Variants in SLC31A2 observed in about 807,000 individuals in gnomAD.
The protein encoded by SLC31A2 is solute carrier family 31 member 2.
A neutral mutation model predicts 14.4 loss-of-function variants in SLC31A2; 16 were observed. The observed-to-expected ratio is 1.11, with a 90% CI of 0.75 to 1.69. The LOEUF is 1.69. Ranked by LOEUF, SLC31A2 falls within the 40% of genes most tolerant of loss-of-function variation. The probability of loss-of-function intolerance (pLI) is 0.00; values close to 1 mark genes in which losing one functional copy is unlikely to be tolerated. For synonymous variants in SLC31A2, 56 were observed against 68.7 expected, an observed-to-expected ratio of 0.82 and a Z score of 0.91; for missense variants, 140 against 173.9, an observed-to-expected ratio of 0.81 and a Z score of 1.10.
chr9:113,157,386 G>C (rs1053790335), intron 1 of SLC31A2, among the ~76,000 whole-genome samples: 5 of 152,216 alleles, frequency 3.3e-5, no homozygotes, highest in African/African-American at 1.2e-4. Flanking sequence ...TCCCGGGGGG[G>C]TAAGAAGAGG....
intron 1 of SLC31A2, chr9:113,155,908 T>C (rs912330292): frequency 5.0e-5 from 18 of 361,952 alleles, no homozygotes; most frequent in Non-Finnish European, 9.1e-5. Context: ...ACAAATGTGT[T>C]TTGTTCCAAA....
chr9:113,154,572 G>T (rs1267159771), intron 1 of SLC31A2, among the ~76,000 whole-genome samples: 1 of 152,224 alleles, frequency 6.6e-6, no homozygotes, highest in East Asian at 1.9e-4. Flanking sequence ...GGAGGCCCAG[G>T]AATCTGTACT....
intron 1 of SLC31A2, chr9:113,156,196 C>T (rs764554062): frequency 3.9e-6 from 2 of 512,154 alleles, no homozygotes; most frequent in South Asian, 2.8e-5. Context: ...GCCCCCACAG[C>T]CTTCACAAGT....
intron 3 of SLC31A2, 119 bp from the exon 4 acceptor site, chr9:113,162,630 A>G: frequency 2.2e-6 from 2 of 926,352 alleles, no homozygotes; most frequent in South Asian, 3.3e-5. Flanking sequence ...GGTTAAGCAT[A>G]CAAGTTATAA....
At position 113,162,730 on chromosome 9, in the gene SLC31A2, G is replaced by C; in HGVS notation, c.264-19G>C. On this transcript the variant is annotated intron_variant, in intron 3 of 3. Coordinates refer to ENST00000259392, the MANE Select transcript of SLC31A2 (RefSeq NM_001860.3). ...ACCAGCTCATTACCAGGATTAACTT[G>C]CTTCTCCTTTTTATCTAGGTGGTAT... The C allele has an allele frequency of 6.2e-7, 1 of 1,602,288 alleles. No individual in the cohort carries two copies. Among genetic ancestry groups the C allele is most frequent in the Non-Finnish European group, 8.5e-7 (1 of 1,173,236 alleles).
At chr9:113,161,483 C>T (rs751884051) in intron 2 of SLC31A2, 26 bp from the exon 3 acceptor site, 17 of 1,611,604 alleles carry the variant, frequency 1.1e-5, no homozygotes, top group Non-Finnish European at 1.4e-5. Context: ...CTGGCCAGGT[C>T]TCCACAACTC....
Position 113,151,032 on chromosome 9 carries a change from G to T in SLC31A2, c.-43G>T. ...GAACTGACTCGGAGCGAGGAGACCC[G>T]AGCGAGCAGACGCGGCCCTGGCGCC... On this transcript the variant is annotated 5_prime_UTR_variant, in exon 1 of 4. Transcript: ENST00000259392. The surrounding 1 kb of genome is among the most constrained non-coding windows in gnomAD (Gnocchi z 4.2). 1 of 1,299,346 alleles carries T rather than the reference G, an allele frequency of 7.7e-7. No homozygotes were observed. Among genetic ancestry groups the T allele is most frequent in the Non-Finnish European group, 9.8e-7 (1 of 1,018,198 alleles). The allele number at this position is 1,299,346 out of a possible 1,614,324, so 80.5% of individuals were successfully genotyped here.
In SLC31A2 at chr9:113,151,506, G is replaced by A; in HGVS notation, c.6+426G>A. 5.6e-6 allele frequency: 1 copy of A among 178,836 alleles called. No homozygotes were observed. Among genetic ancestry groups the A allele is most frequent in the Non-Finnish European group, 1.2e-5 (1 of 86,156 alleles). The allele number at this position is 178,836 out of a possible 1,614,324, so 11.1% of individuals were successfully genotyped here. ...CGCATTTCAGCCCGCAGCCCCGCGC[G>A]CACACCGAGCGCACATCCCCGGCCC... On this transcript the variant is annotated intron_variant, in intron 1 of 3. Coordinates refer to ENST00000259392, the MANE Select transcript of SLC31A2 (RefSeq NM_001860.3). This position sits in a 1 kb window ranked among gnomAD's most constrained non-coding sequence, Gnocchi z 4.2.
At chr9:113,159,618 T>C (rs1829980582) in intron 2 of SLC31A2, among the ~76,000 whole-genome samples, 1 of 152,192 alleles carries the variant, frequency 6.6e-6, no homozygotes, top group African/African-American at 2.4e-5. Flanking sequence ...ATGTGTAGGC[T>C]TTCCCTCAGT....
rs199500515 is a variant in SLC31A2, at chr9:113,157,757, C to A, written c.37C>A (p.Leu13Ile). ...TTTCATCTTCTCAGATACAGCGGTG[C>A]TTCTGTTTGATTTCTGGAGTGTCCA... The part of the protein sequence containing the change: ...MHFIFSDTAV[L>I]LFDFWSVHSP... The change falls in exon 2 of 4, where the codon CTT (leucine) becomes ATT (isoleucine). Residue 13 changes from leucine (L) to isoleucine (I), a missense_variant. Physicochemically the swap from Leu to Ile is conservative, Grantham distance 5. Transcript: ENST00000259392. 2.5e-6 allele frequency: 4 copies of A among 1,613,118 alleles called. No individual in the cohort carries two copies. In the Admixed American group the frequency reaches 5.0e-5, roughly 20 times the overall value.
intron 1 of SLC31A2, chr9:113,155,924 G>A (rs1829928193): frequency 2.5e-6 from 1 of 399,872 alleles, no homozygotes; most frequent in Admixed American, 2.8e-5. Flanking sequence ...CCAAATCCTG[G>A]ACTCAGACTA....
At chr9:113,154,476 C>T (rs1198167955) in intron 1 of SLC31A2, among the ~76,000 whole-genome samples, 1 of 152,196 alleles carries the variant, frequency 6.6e-6, no homozygotes, top group Non-Finnish European at 1.5e-5. Flanking sequence ...AACTGAGCCT[C>T]AGAATCTCCT....
At chr9:113,158,502 T>C (rs187667757) in intron 2 of SLC31A2, among the ~76,000 whole-genome samples, 14 of 152,322 alleles carry the variant, frequency 9.2e-5, no homozygotes, top group African/African-American at 2.6e-4. Context: ...TGAGTGGTCC[T>C]TACTGAAGGT....
Position 113,162,752 on chromosome 9 carries a change from G to A in SLC31A2, c.267G>A (p.Trp89Ter), listed in dbSNP as rs1564140148. 1 of 1,611,026 alleles carries A rather than the reference G, an allele frequency of 6.2e-7. No individual in the cohort carries two copies. Among genetic ancestry groups the A allele is most frequent in the Non-Finnish European group, 8.5e-7 (1 of 1,178,442 alleles). ...CTTGCTTCTCCTTTTTATCTAGGTG[G>A]TATTTGTGTCACTTTGGCCAGTCTC... ...SFPVGRTHHR[W>*]YLCHFGQSLI... is the part of the protein sequence containing the mutation. Residue 89 changes from tryptophan to a stop codon, truncating the protein, a stop_gained, in exon 4 of 4, where the codon TGG becomes TGA. Transcript: ENST00000259392. LOFTEE classifies it high-confidence loss of function.
Position 113,157,797 on chromosome 9 carries a change from AG to A in SLC31A2, c.73+5del. On this transcript the variant is annotated splice_donor_5th_base_variant and intron_variant, in intron 2 of 3. Transcript: ENST00000259392. ...TGGAGTGTCCACAGTCCTGCTGGTA[AG>A]AATTGGGGACCTCAGACTTGTAGCT... is the stretch of plus-strand genomic sequence containing the variant. The A allele has an allele frequency of 1.2e-6, 2 of 1,610,930 alleles. No homozygotes were observed. Among genetic ancestry groups the A allele is most frequent in the Non-Finnish European group, 1.7e-6 (2 of 1,178,002 alleles).
At chr9:113,156,081 T>C (rs1403801186) in intron 1 of SLC31A2, 1 of 518,952 alleles carries the variant, frequency 1.9e-6, no homozygotes, top group East Asian at 5.4e-5. Context: ...GACACCCACA[T>C]GGCACAGCTT....
intron 1 of SLC31A2, among the ~76,000 whole-genome samples, chr9:113,157,483 G>A (rs1353581488): frequency 6.6e-6 from 1 of 152,172 alleles, no homozygotes; most frequent in Non-Finnish European, 1.5e-5. Context: ...CAGTGAGGAT[G>A]GACACTCCCA....
intron 1 of SLC31A2, among the ~76,000 whole-genome samples, chr9:113,156,354 C>T (rs912293323): frequency 2.0e-5 from 3 of 152,130 alleles, no homozygotes; most frequent in Admixed American, 1.3e-4. Context: ...CAAGTTGGGC[C>T]AGATCAGCAT....
Position 113,163,468 on chromosome 9 carries a change from GTTTT to G in SLC31A2, c.*556_*559del, listed in dbSNP as rs919868075. On this transcript the variant is annotated 3_prime_UTR_variant, in exon 4 of 4. Transcript: ENST00000259392. ...TCTATGGATCATGTTGACAAACTAA[GTTTT>G]TTTTATTTTTCCCATTGAACTCCTA... The G allele has an allele frequency of 2.0e-5, 3 of 152,476 alleles. No individual in the cohort carries two copies. The highest frequency in any genetic ancestry group is 7.2e-5 in the African/African-American group (3 of 41,400). The allele number at this position is 152,476 out of a possible 1,614,324, so 9.4% of individuals were successfully genotyped here. A position where few individuals can be genotyped will look rare whatever the true frequency, so the allele number is the denominator to read the frequency against.
Sources: gnomAD v4.1 joint callset for allele counts (sites outside exome capture counted in the v4.1 genomes callset) on GRCh38, gnomAD v4.1.1 for gene constraint, Gnocchi (gnomAD v3.1) non-coding constraint, MANE v1.5 for transcripts, NCBI Gene and HGNC (gene_info 2026-07-23, HGNC 2026-07-21) for gene names.